The following ILDR1 variants were observed in gnomAD, a reference collection of about 807,000 sequenced individuals.
ILDR1 encodes the protein immunoglobulin-like domain-containing receptor 1.
Under a neutral mutation model 62.4 loss-of-function variants are expected in ILDR1, and 56 were observed. The observed-to-expected ratio is 0.90, with a 90% CI of 0.72 to 1.12. The LOEUF is 1.12. Ranked by LOEUF, ILDR1 falls within the 50% of genes most tolerant of loss-of-function variation. ILDR1 has a pLI of 0.00. For missense variants in ILDR1, 736 were observed against 710.6 expected (o/e 1.04, Z -0.41); for synonymous variants, 284 against 277.8 (o/e 1.02, Z -0.22).
chr3:122,012,031 T>C (rs2071711668), intron 1 of ILDR1, among the ~76,000 whole-genome samples: 1 of 152,136 alleles, frequency 6.6e-6, no homozygotes, highest in South Asian at 2.1e-4. Context: ...GGCGCCAGGC[T>C]CTTAAAAAGC....
the ILDR1 span, among the ~76,000 whole-genome samples, chr3:122,041,009 A>T: frequency 6.6e-6 from 1 of 152,220 alleles, no homozygotes; most frequent in Admixed American, 6.5e-5. Context: ...CAAAAGACAT[A>T]TTTAATTTTT....
intron 5 of ILDR1, among the ~76,000 whole-genome samples, chr3:121,997,523 T>C (rs1469845998): frequency 3.3e-5 from 5 of 152,216 alleles, no homozygotes; most frequent in Non-Finnish European, 5.9e-5. Flanking sequence ...AACTTTCTGC[T>C]GATGACTTCA....
intron 3 of ILDR1, among the ~76,000 whole-genome samples, chr3:122,003,943 G>A (rs2071566469): frequency 6.6e-6 from 1 of 151,976 alleles, no homozygotes; most frequent in Non-Finnish European, 1.5e-5. Context: ...TTGGATCTTT[G>A]AAGATGCCCC....
At position 122,009,842 on chromosome 3, in the gene ILDR1, C is replaced by A. The variant is rs146682181; in HGVS notation, c.59-2681G>T. ...TGTCCCCTTAAACTTCTGATAGGCA[C>A]CTGCATCTGGGTTTCTCACATCCAT... On this transcript the variant is annotated intron_variant, in intron 1 of 7. Coordinates refer to ENST00000344209, the MANE Select transcript of ILDR1 (RefSeq NM_001199799.2). 1.5e-3 allele frequency among the ~76,000 whole-genome samples: 234 copies of A among 152,350 alleles called. 1 individual carries two copies. The highest frequency in any genetic ancestry group is 5.2e-3 in the African/African-American group (218 of 41,578).
At chr3:122,034,170 A>G in the ILDR1 span, among the ~76,000 whole-genome samples, 2 of 152,168 alleles carry the variant, frequency 1.3e-5, no homozygotes, top group African/African-American at 2.4e-5. Flanking sequence ...TTAACATTTT[A>G]TTTGTTGTTG....
intron 1 of ILDR1, among the ~76,000 whole-genome samples, chr3:122,014,972 A>G (rs1214104668): frequency 6.6e-6 from 1 of 152,190 alleles, no homozygotes; most frequent in East Asian, 1.9e-4. Flanking sequence ...ACCAGAACAC[A>G]CACATTCATT....
At chr3:122,017,351 A>T (rs1456505471) in intron 1 of ILDR1, among the ~76,000 whole-genome samples, 1 of 152,192 alleles carries the variant, frequency 6.6e-6, no homozygotes, top group Non-Finnish European at 1.5e-5. Flanking sequence ...GCCCGGCCAG[A>T]GTCTTCTCAA....
chr3:122,003,769 C>A (rs1177356589), intron 3 of ILDR1, among the ~76,000 whole-genome samples: 2 of 141,282 alleles, frequency 1.4e-5, no homozygotes, highest in Admixed American at 7.0e-5. Context: ...AAGGTATTTA[C>A]CTTCACGTTT....
In ILDR1 at chr3:121,990,105, A is replaced by G. The variant is rs370628643; in HGVS notation, c.1600-1697T>C. Among the ~76,000 whole-genome samples, 16 of 152,288 alleles carry G rather than the reference A, an allele frequency of 1.1e-4. No individual in the cohort carries two copies. The East Asian group carries it at 2.1e-3, about 20-fold the overall frequency. ...TGGAAGGTCACCATCTAGAGGCCCA[A>G]TTGTATTAGGATGTTTCACTACAAG... On this transcript the variant is annotated intron_variant, in intron 7 of 7. Coordinates refer to ENST00000344209, the MANE Select transcript of ILDR1 (RefSeq NM_001199799.2).
At chr3:122,059,460 C>G in the ILDR1 span, among the ~76,000 whole-genome samples, 1 of 150,804 alleles carries the variant, frequency 6.6e-6, no homozygotes, top group African/African-American at 2.4e-5. Context: ...AGCTTGAACC[C>G]AGGAGGCAGA....
At chr3:122,040,396 A>G in the ILDR1 span, among the ~76,000 whole-genome samples, 6 of 151,998 alleles carry the variant, frequency 3.9e-5, no homozygotes, top group East Asian at 9.6e-4. Context: ...CCATAGTTTT[A>G]CTAAAAATAT....
the ILDR1 span, among the ~76,000 whole-genome samples, chr3:122,054,220 C>A: frequency 6.6e-6 from 1 of 152,150 alleles, no homozygotes; most frequent in African/African-American, 2.4e-5. Flanking sequence ...GCATTTTGGT[C>A]TAAACTAATT....
At chr3:122,003,366 G>A (rs1482027593) in intron 3 of ILDR1, among the ~76,000 whole-genome samples, 2 of 151,860 alleles carry the variant, frequency 1.3e-5, no homozygotes, top group Non-Finnish European at 2.9e-5. Flanking sequence ...TTTCCTACCC[G>A]CTATTTTCCA....
Position 121,994,251 on chromosome 3 carries a change from G to T in ILDR1, c.709C>A (p.Pro237Thr). Residue 237 changes from proline to threonine, a missense_variant, in exon 6 of 8, where the codon CCC becomes ACC. By Grantham distance (38) the Pro-to-Thr change is conservative. Transcript: ENST00000344209. ...QALGPQMMGK[P>T]LYWGADRSSQ... is the part of the protein sequence containing the mutation. ...CTCCTGTCCGCCCCCCAGTACAGGGGTTTTCCCATCATCTGAGGACCTAGG... is the reference window on the plus strand; with the variant it reads ...CTCCTGTCCGCCCCCCAGTACAGGGTTTTTCCCATCATCTGAGGACCTAGG... The T allele has an allele frequency of 6.5e-7, 1 of 1,536,104 alleles. No homozygotes were observed. The highest frequency in any genetic ancestry group is 8.7e-7 in the Non-Finnish European group (1 of 1,146,894).
chr3:122,042,915 T>C, the ILDR1 span, among the ~76,000 whole-genome samples: 2 of 151,708 alleles, frequency 1.3e-5, no homozygotes, highest in Non-Finnish European at 2.9e-5. Context: ...AGCTCTTTAG[T>C]TTAATTAGAT....
the ILDR1 span, chr3:122,055,388 G>T: frequency 1.7e-6 from 2 of 1,152,862 alleles, no homozygotes; most frequent in South Asian, 2.5e-5. Flanking sequence ...GGCTTGCACA[G>T]GGTGAAAGCT....
At chr3:121,997,254 A>AC (rs905551127) in intron 5 of ILDR1, among the ~76,000 whole-genome samples, 11 of 152,156 alleles carry the variant, frequency 7.2e-5, no homozygotes, top group African/African-American at 2.7e-4. Flanking sequence ...CTCCAAAACT[A>AC]CCAGTCCTCC....
At chr3:122,042,818 C>G in the ILDR1 span, among the ~76,000 whole-genome samples, 1 of 152,054 alleles carries the variant, frequency 6.6e-6, no homozygotes, top group African/African-American at 2.4e-5. Context: ...GATATTAGCC[C>G]TTTGTCAGAT....
intron 5 of ILDR1, among the ~76,000 whole-genome samples, chr3:121,996,091 C>T (rs140049307): frequency 1.2e-3 from 185 of 152,314 alleles, no homozygotes; most frequent in African/African-American, 4.3e-3. Flanking sequence ...TCCATAGCCT[C>T]GGGACATCTG....
Sources: allele counts gnomAD v4.1 joint callset (sites outside exome capture counted in the v4.1 genomes callset), GRCh38; gene constraint gnomAD v4.1.1; transcripts MANE v1.5; gene names NCBI Gene and HGNC (gene_info 2026-07-23, HGNC 2026-07-21).